Variants in FHIT observed in about 807,000 individuals in gnomAD.
The protein encoded by FHIT is fragile histidine triad diadenosine triphosphatase.
In FHIT, 19 loss-of-function variants were observed where a neutral mutation model predicts 17.9. The observed-to-expected ratio is 1.06, with a 90% CI of 0.74 to 1.56. The LOEUF (loss-of-function observed/expected upper bound fraction) is 1.56, where lower values mean the gene tolerates loss of function less well. Ranked by LOEUF, FHIT falls within the 40% of genes most tolerant of loss-of-function variation. The pLI, the probability that FHIT is intolerant of heterozygous loss-of-function variation, is 0.00. For synonymous variants in FHIT, 81 were observed against 69.7 expected (o/e 1.16, Z -0.81); for missense variants, 248 against 189.2 (o/e 1.31, Z -1.82).
At chr3:60,893,187 C>G (rs571351353) in intron 3 of FHIT, among the ~76,000 whole-genome samples, 2 of 152,110 alleles carry the variant, frequency 1.3e-5, no homozygotes, top group African/African-American at 4.8e-5. Flanking sequence ...GAGGGACACA[C>G]GGAGAAGAAA....
chr3:60,671,581 T>A (rs1213010131), intron 4 of FHIT, among the ~76,000 whole-genome samples: 1 of 151,820 alleles, frequency 6.6e-6, no homozygotes, highest in Non-Finnish European at 1.5e-5. Context: ...AATACAATAT[T>A]GAAAAAAAAA....
intron 3 of FHIT, chr3:60,856,397 G>C (rs1703383176): frequency 6.6e-6 from 1 of 152,026 alleles, no homozygotes; most frequent in Non-Finnish European, 1.5e-5. Flanking sequence ...AGATCACTCA[G>C]ACTGTGTCCT....
At chr3:60,309,855 A>G (rs1250106453) in intron 5 of FHIT, among the ~76,000 whole-genome samples, 5 of 152,138 alleles carry the variant, frequency 3.3e-5, no homozygotes, top group Non-Finnish European at 5.9e-5. Context: ...CACAGCCACA[A>G]TGGTCTCTGG....
intron 5 of FHIT, among the ~76,000 whole-genome samples, chr3:60,128,292 T>C (rs907759939): frequency 6.6e-6 from 1 of 152,168 alleles, no homozygotes; most frequent in African/African-American, 2.4e-5. Context: ...TGTTCCCTCA[T>C]GCTATTCTTG....
chr3:61,105,267 C>A (rs1164637432), intron 2 of FHIT, among the ~76,000 whole-genome samples: 1 of 151,518 alleles, frequency 6.6e-6, no homozygotes, highest in East Asian at 1.9e-4. Flanking sequence ...TCTTTGATGA[C>A]CTTGAGGGTT....
rs12106924 is a variant in FHIT, at chr3:60,001,102, A to G, written c.279+10269T>C. Among the ~76,000 whole-genome samples the G allele has an allele frequency of 4.0e-3, 602 of 152,306 alleles. 4 individuals are homozygous for G. The highest frequency in any genetic ancestry group is 0.014 in the African/African-American group (563 of 41,572). ...TTCCACCATGTCATTCCATTTCATAACACCTTGTTTTAGTCTTTCTAGTAT... is the reference window on the plus strand; with the variant it reads ...TTCCACCATGTCATTCCATTTCATAGCACCTTGTTTTAGTCTTTCTAGTAT... On this transcript the variant is annotated intron_variant, in intron 7 of 9. Transcript: ENST00000492590.
rs917421341 is a variant in FHIT, at chr3:60,013,165, C to T, written c.249+842G>A. Among the ~76,000 whole-genome samples the T allele has an allele frequency of 1.3e-5, 2 of 152,184 alleles. 1 individual carries two copies. The highest frequency in any genetic ancestry group is 6.3e-3 in the Middle Eastern group (2 of 316). On this transcript the variant is annotated intron_variant, in intron 6 of 9. Transcript: ENST00000492590. Reference sequence around the variant, plus strand: ...TCAGAGCCTTCATAACCTGAAAACACTGGCTTTCTTTATCTGGTCTCTTTG... The same window carrying T: ...TCAGAGCCTTCATAACCTGAAAACATTGGCTTTCTTTATCTGGTCTCTTTG...
chr3:60,318,455 AC>A (rs1709268480), intron 5 of FHIT, among the ~76,000 whole-genome samples: 1 of 152,228 alleles, frequency 6.6e-6, no homozygotes, highest in Non-Finnish European at 1.5e-5. Flanking sequence ...ACAGAAAGAA[AC>A]CAGTTGTTTA....
At chr3:60,534,346 T>G (rs1000880015) in intron 5 of FHIT, among the ~76,000 whole-genome samples, 5 of 142,198 alleles carry the variant, frequency 3.5e-5, no homozygotes, top group Non-Finnish European at 7.5e-5. Context: ...GGCAGGAGAA[T>G]GGCGTGAACC....
At chr3:60,219,657 C>T (rs950061021) in intron 5 of FHIT, among the ~76,000 whole-genome samples, 2 of 152,118 alleles carry the variant, frequency 1.3e-5, no homozygotes, top group Non-Finnish European at 1.5e-5. Flanking sequence ...GTCAGTGATA[C>T]TTCCCTGTCC....
chr3:60,678,151 C>A (rs1008274904), intron 4 of FHIT, among the ~76,000 whole-genome samples: 1 of 151,988 alleles, frequency 6.6e-6, no homozygotes, highest in African/African-American at 2.4e-5. Context: ...TTTTCATTTT[C>A]ATTTTATTTT....
chr3:60,727,967 G>A (rs1331960188), intron 4 of FHIT, among the ~76,000 whole-genome samples: 2 of 152,336 alleles, frequency 1.3e-5, no homozygotes, highest in East Asian at 1.9e-4. Context: ...TCACGCCACC[G>A]CACTCCAGCC....
intron 3 of FHIT, among the ~76,000 whole-genome samples, chr3:61,022,224 A>G (rs140763651): frequency 2.6e-5 from 4 of 152,348 alleles, no homozygotes; most frequent in Non-Finnish European, 5.9e-5. Flanking sequence ...ACCTCTACAC[A>G]AATAAACTAG....
chr3:60,186,779 C>A (rs2107456210), intron 5 of FHIT, among the ~76,000 whole-genome samples: 1 of 151,544 alleles, frequency 6.6e-6, no homozygotes, highest in South Asian at 2.1e-4. Flanking sequence ...AGTGCCATGC[C>A]CGCAAACTTT....
intron 7 of FHIT, among the ~76,000 whole-genome samples, chr3:59,969,604 G>A (rs1161068503): frequency 6.6e-6 from 1 of 152,038 alleles, no homozygotes; most frequent in Non-Finnish European, 1.5e-5. Flanking sequence ...ACTGTGTTTT[G>A]TATAATTTGG....
chr3:60,435,688 T>C (rs1374254969), intron 5 of FHIT, among the ~76,000 whole-genome samples: 1 of 152,116 alleles, frequency 6.6e-6, no homozygotes, highest in Non-Finnish European at 1.5e-5. Context: ...GGGGTACATG[T>C]GCAGGTTTCT....
intron 7 of FHIT, among the ~76,000 whole-genome samples, chr3:59,949,230 C>T (rs1575748950): frequency 6.6e-6 from 1 of 152,326 alleles, no homozygotes; most frequent in Admixed American, 6.5e-5. Flanking sequence ...TCATTCCCTT[C>T]AACTACGAGT....
In FHIT at chr3:60,169,160, G is replaced by C. The variant is rs528407012; in HGVS notation, c.104-155008C>G. 2.8e-3 allele frequency among the ~76,000 whole-genome samples: 427 copies of C among 152,294 alleles called. 1 individual carries two copies. Among genetic ancestry groups the C allele is most frequent in the Non-Finnish European group, 4.8e-3 (325 of 68,020 alleles). ...AATTGTGTGTGCCAAAATAATGAAA[G>C]AACGTGCCAATACGTCAATCCACGT... On this transcript the variant is annotated intron_variant, in intron 5 of 9. Coordinates refer to ENST00000492590, the MANE Select transcript of FHIT (RefSeq NM_002012.4).
At chr3:60,878,673 T>C (rs1408841383) in intron 3 of FHIT, among the ~76,000 whole-genome samples, 3 of 151,978 alleles carry the variant, frequency 2.0e-5, no homozygotes, top group African/African-American at 7.3e-5. Context: ...CGGTGTGTGA[T>C]GTTCCCCTTC....
Sources: gnomAD v4.1 joint callset for allele counts (sites outside exome capture counted in the v4.1 genomes callset) on GRCh38, gnomAD v4.1.1 for gene constraint, MANE v1.5 for transcripts, NCBI Gene and HGNC (gene_info 2026-07-23, HGNC 2026-07-21) for gene names.